CD2AP: variants seen among roughly 807,000 people sequenced by gnomAD.
CD2AP encodes CD2 associated protein, also known as CD2-associated protein.
CD2AP carries 46 observed loss-of-function variants against 85.1 expected under a neutral mutation model. That is an observed-to-expected ratio of 0.54 (90% CI 0.43 to 0.69). The LOEUF (loss-of-function observed/expected upper bound fraction) is 0.69, where lower values mean the gene tolerates loss of function less well. Among genes scored for constraint, CD2AP ranks in the 30% least tolerant of loss-of-function variants. The pLI is 0.00. For missense variants in CD2AP, 769 were observed against 729.5 expected (o/e 1.05, Z -0.62); for synonymous variants, 255 against 252.9 (o/e 1.01, Z -0.08).
chr6:47,490,515 T>G (rs942227517), intron 1 of CD2AP, among the ~76,000 whole-genome samples: 1 of 152,294 alleles, frequency 6.6e-6, no homozygotes, highest in South Asian at 2.1e-4. Context: ...TTTTCCAACT[T>G]GTTTGCTCTT....
At chr6:47,536,354 T>A (rs139338761) in intron 3 of CD2AP, among the ~76,000 whole-genome samples, 23 of 152,218 alleles carry the variant, frequency 1.5e-4, no homozygotes, top group East Asian at 7.7e-4. Flanking sequence ...AATATTAATT[T>A]AAAAAAACCC....
At chr6:47,549,769 A>G (rs1767463722) in intron 4 of CD2AP, among the ~76,000 whole-genome samples, 1 of 152,186 alleles carries the variant, frequency 6.6e-6, no homozygotes, top group African/African-American at 2.4e-5. Context: ...CTAAGCAAAA[A>G]GAACAAATCT....
At chr6:47,555,149 T>A (rs1299501104) in intron 5 of CD2AP, among the ~76,000 whole-genome samples, 1 of 152,218 alleles carries the variant, frequency 6.6e-6, no homozygotes, top group Non-Finnish European at 1.5e-5. Flanking sequence ...ACTTTTGTTA[T>A]TTTCTGTATT....
chr6:47,500,129 C>G (rs1765963142), intron 1 of CD2AP, among the ~76,000 whole-genome samples: 1 of 152,216 alleles, frequency 6.6e-6, no homozygotes. Flanking sequence ...AACCAGCATT[C>G]ATCCATAATA....
At chr6:47,545,912 A>G (rs1433673125) in intron 4 of CD2AP, among the ~76,000 whole-genome samples, 1 of 152,194 alleles carries the variant, frequency 6.6e-6, no homozygotes, top group Non-Finnish European at 1.5e-5. Flanking sequence ...AGAAGGAATC[A>G]GAAAACCAAC....
intron 1 of CD2AP, among the ~76,000 whole-genome samples, chr6:47,495,770 A>G (rs978952597): frequency 6.6e-6 from 1 of 152,172 alleles, no homozygotes; most frequent in Non-Finnish European, 1.5e-5. Flanking sequence ...TGGAGCTGAA[A>G]CTGCCAGTTG....
intron 14 of CD2AP, among the ~76,000 whole-genome samples, chr6:47,606,992 A>G (rs1169593192): frequency 1.3e-5 from 2 of 152,014 alleles, no homozygotes; most frequent in Non-Finnish European, 2.9e-5. Context: ...AGCCTCTGAT[A>G]ACCATCTTTC....
chr6:47,548,688 C>G (rs1767434811), intron 4 of CD2AP, among the ~76,000 whole-genome samples: 1 of 152,212 alleles, frequency 6.6e-6, no homozygotes, highest in South Asian at 2.1e-4. Flanking sequence ...AGGGAACCCT[C>G]CCTAAATCAT....
At chr6:47,508,547 T>TC (rs1766238192) in intron 2 of CD2AP, among the ~76,000 whole-genome samples, 1 of 58,130 alleles carries the variant, frequency 1.7e-5, no homozygotes, top group African/African-American at 8.8e-5. Context: ...TTTTTTTTTG[T>TC]TTTTTTTTTT....
chr6:47,573,661 T>G (rs1768218159), intron 5 of CD2AP, among the ~76,000 whole-genome samples: 1 of 151,810 alleles, frequency 6.6e-6, no homozygotes, highest in East Asian at 1.9e-4. Context: ...GCTAATTTTT[T>G]TATATTTTTA....
chr6:47,576,708 A>T, intron 7 of CD2AP, 106 bp downstream of exon 7: 2 of 872,482 alleles, frequency 2.3e-6, no homozygotes, highest in Non-Finnish European at 3.8e-6. Context: ...TAGAATAGCA[A>T]ATTCTATTAG....
intron 3 of CD2AP, among the ~76,000 whole-genome samples, chr6:47,534,227 G>C (rs1335826028): frequency 2.6e-5 from 4 of 152,200 alleles, no homozygotes; most frequent in African/African-American, 9.6e-5. Flanking sequence ...ACTTGGCAAA[G>C]AAGGAGAGCA....
At chr6:47,489,967 CTTTTTTTT>C (rs71684059) in intron 1 of CD2AP, among the ~76,000 whole-genome samples, 12 of 121,696 alleles carry the variant, frequency 9.9e-5, no homozygotes, top group South Asian at 5.0e-4. Context: ...TCTAAAGAGA[CTTTTTTTT>C]TTTTTTTTTT....
At chr6:47,556,818 A>G (rs965704988) in intron 5 of CD2AP, among the ~76,000 whole-genome samples, 7 of 152,220 alleles carry the variant, frequency 4.6e-5, no homozygotes, top group African/African-American at 1.4e-4. Flanking sequence ...AGAATTATTT[A>G]TAATCCTTTG....
intron 11 of CD2AP, among the ~76,000 whole-genome samples, chr6:47,583,521 C>T (rs1374061680): frequency 6.6e-6 from 1 of 152,100 alleles, no homozygotes; most frequent in Non-Finnish European, 1.5e-5. Flanking sequence ...TCATACAGCA[C>T]GTAGCCTTTT....
chr6:47,584,771 A>G (rs1372580877), intron 11 of CD2AP, among the ~76,000 whole-genome samples: 1 of 152,144 alleles, frequency 6.6e-6, no homozygotes, highest in African/African-American at 2.4e-5. Flanking sequence ...TTTGTGAACT[A>G]GTTAGGTAGG....
intron 11 of CD2AP, among the ~76,000 whole-genome samples, chr6:47,586,637 A>G (rs1018589569): frequency 6.6e-6 from 1 of 152,216 alleles, no homozygotes; most frequent in South Asian, 2.1e-4. Context: ...ACAAAATCTC[A>G]GAGAACTTAT....
At chr6:47,512,157 GA>G (rs918229271) in intron 2 of CD2AP, among the ~76,000 whole-genome samples, 22 of 142,674 alleles carry the variant, frequency 1.5e-4, no homozygotes, top group Non-Finnish European at 1.8e-4. Flanking sequence ...GACTCCGTCT[GA>G]AAAAAAAAAT....
At chr6:47,606,408 C>A in intron 14 of CD2AP, 131 bp downstream of exon 14, 1 of 689,530 alleles carries the variant, frequency 1.5e-6, no homozygotes, top group South Asian at 1.5e-5. Flanking sequence ...GTGGCAAATG[C>A]TGGTATTTAA....
Sources: allele counts gnomAD v4.1 joint callset (sites outside exome capture counted in the v4.1 genomes callset), GRCh38; gene constraint gnomAD v4.1.1; transcripts MANE v1.5; gene names NCBI Gene and HGNC (gene_info 2026-07-23, HGNC 2026-07-21).